PTCD3: variants seen among roughly 807,000 people sequenced by gnomAD.
PTCD3 encodes the protein pentatricopeptide repeat domain 3, also known as small ribosomal subunit protein mS39.
In PTCD3, 89 loss-of-function variants were observed where a neutral mutation model predicts 101.9. The observed-to-expected ratio is 0.87, with a 90% CI of 0.74 to 1.04. The LOEUF is 1.04. Among genes scored for constraint, PTCD3 ranks in the 50% least tolerant of loss-of-function variants. PTCD3 has a pLI of 0.00. For missense variants in PTCD3, 870 were observed against 828.2 expected, an observed-to-expected ratio of 1.05 and a Z score of -0.62; for synonymous variants, 296 against 278.5, an observed-to-expected ratio of 1.06 and a Z score of -0.63.
At chr2:86,132,948 A>G (rs1674519096) in intron 17 of PTCD3, 4 of 563,682 alleles carry the variant, frequency 7.1e-6, no homozygotes, top group Non-Finnish European at 1.2e-5. Flanking sequence ...ACCATGACCT[A>G]AGAGTATACA....
chr2:86,118,106 T>A (rs886727341), intron 6 of PTCD3, among the ~76,000 whole-genome samples: 1 of 152,220 alleles, frequency 6.6e-6, no homozygotes, highest in African/African-American at 2.4e-5. Flanking sequence ...GGTATCTTTC[T>A]TAGATTTTTA....
intron 12 of PTCD3, among the ~76,000 whole-genome samples, chr2:86,126,229 CAAAAAA>C (rs71377064): frequency 1.4e-4 from 8 of 59,138 alleles, no homozygotes; most frequent in African/African-American, 4.7e-4. Context: ...GACTCCGTCT[CAAAAAA>C]AAAAAAAAGA....
rs764621355 is a variant in PTCD3 at position 86,106,285 on chromosome 2, G to T, written c.38G>T (p.Arg13Leu). Reference protein sequence around the residue: ...VVSAVRWLGLRSRLGQPLTGR... With the variant: ...VVSAVRWLGLLSRLGQPLTGR... ...TCTGCTGTTCGCTGGCTGGGCCTCC[G>T]CAGCAGGCTTGGCCAGCCGCTGACG... Residue 13 changes from arginine to leucine, a missense_variant, in exon 1 of 24, where the codon CGC becomes CTC. Physicochemically the swap from Arg to Leu is moderately radical, Grantham distance 102. Coordinates refer to ENST00000254630, the MANE Select transcript of PTCD3 (RefSeq NM_017952.6). 1.2e-6 allele frequency: 2 copies of T among 1,613,668 alleles called. No homozygotes were observed.
chr2:86,129,185 T>A (rs1295235470), intron 14 of PTCD3, among the ~76,000 whole-genome samples: 5 of 152,224 alleles, frequency 3.3e-5, no homozygotes, highest in Non-Finnish European at 5.9e-5. Context: ...TTGGTGAGAT[T>A]GTGATGGAGC....
At chr2:86,107,368 G>C (rs1354530959) in intron 1 of PTCD3, among the ~76,000 whole-genome samples, 2 of 152,198 alleles carry the variant, frequency 1.3e-5, no homozygotes, top group Non-Finnish European at 2.9e-5. Flanking sequence ...ATCTCTTTCT[G>C]AAATGTCCTT....
At position 86,132,398 on chromosome 2, in the gene PTCD3, A is replaced by C; in HGVS notation, c.1347A>C (p.Gly449=). Residue 449 remains glycine (G), a synonymous_variant, in exon 17 of 24, where the codon GGA becomes GGC. Transcript: ENST00000254630. The stretch of plus-strand genomic sequence containing the variant: ...CCGGAGACAACTGGAAATTCATTGG[A>C]CCTGATCAACATCGTAATTTCTATT... ...LKTGDNWKFI[G]PDQHRNFYYS... 1.9e-6 allele frequency: 3 copies of C among 1,599,928 alleles called. No homozygotes were observed. Among genetic ancestry groups the C allele is most frequent in the Non-Finnish European group, 1.7e-6 (2 of 1,167,512 alleles).
At position 86,107,180 on chromosome 2, in the gene PTCD3, A is replaced by G. The variant is rs1208865026; in HGVS notation, c.104+829A>G. 3.6e-5 allele frequency: 17 copies of G among 471,086 alleles called. No homozygotes were observed. In the Middle Eastern group the frequency reaches 9.7e-4, roughly 27 times the overall value. The allele number at this position is 471,086 out of a possible 1,614,324, so 29.2% of individuals were successfully genotyped here. ...GCAGAAACCTTTGTGCTGCCATTCAATGCCAGTCCTCCGTTTCCTGGTAGC... is the reference window on the plus strand; with the variant it reads ...GCAGAAACCTTTGTGCTGCCATTCAGTGCCAGTCCTCCGTTTCCTGGTAGC... On this transcript the variant is annotated intron_variant, in intron 1 of 23. Transcript: ENST00000254630.
intron 21 of PTCD3, chr2:86,135,887 C>T (rs781035011): frequency 1.9e-5 from 10 of 517,716 alleles, no homozygotes; most frequent in Admixed American, 7.8e-5. Flanking sequence ...TGATGATTGG[C>T]GCAGGGGTAC....
chr2:86,111,001 C>T (rs1226640735), intron 3 of PTCD3, 112 bp from the exon 4 acceptor site: 3 of 972,286 alleles, frequency 3.1e-6, no homozygotes, highest in Non-Finnish European at 5.0e-6. Context: ...TAACCAGCTT[C>T]AGATGAGATC....
chr2:86,130,024 G>A (rs755134415), intron 14 of PTCD3, among the ~76,000 whole-genome samples: 28 of 152,286 alleles, frequency 1.8e-4, no homozygotes, highest in Middle Eastern at 3.4e-3. Flanking sequence ...ATTTTTAGCC[G>A]GGTGCAGTGG....
At position 86,121,602 on chromosome 2, in the gene PTCD3, C is replaced by G. The variant is rs1674283468; in HGVS notation, c.654+8C>G. On this transcript the variant is annotated splice_region_variant and intron_variant, in intron 8 of 23. Coordinates refer to ENST00000254630, the MANE Select transcript of PTCD3 (RefSeq NM_017952.6). ...GGACAGTCAGAAGCATTGGTAATAA[C>G]TGTTGGCCTTGATTTTTTTTTTTCC... 2 of 1,541,902 alleles carry G rather than the reference C, an allele frequency of 1.3e-6. No individual in the cohort carries two copies. The highest frequency in any genetic ancestry group is 8.8e-7 in the Non-Finnish European group (1 of 1,139,710).
At chr2:86,125,914 GGCTTAAAT>G in intron 12 of PTCD3, 34 bp downstream of exon 12, 1 of 1,423,920 alleles carries the variant, frequency 7.0e-7, no homozygotes, top group Non-Finnish European at 9.9e-7. Context: ...TTTTTAATAG[GGCTTAAAT>G]ACTCTTTACC....
In PTCD3 at chr2:86,137,645, G is replaced by C. The variant is rs1674613165; in HGVS notation, c.*86G>C. 1 of 1,564,040 alleles carries C rather than the reference G, an allele frequency of 6.4e-7. No individual in the cohort carries two copies. The highest frequency in any genetic ancestry group is 8.7e-7 in the Non-Finnish European group (1 of 1,153,668). ...CTGAGATATACCAATATTTAACATT[G>C]TTACAAAGAAGAAAAGATACAGATT... On this transcript the variant is annotated 3_prime_UTR_variant, in exon 24 of 24. Transcript: ENST00000254630.
chr2:86,127,024 T>TTAA, intron 12 of PTCD3, 137 bp from the exon 13 acceptor site: 2 of 708,848 alleles, frequency 2.8e-6, no homozygotes, highest in Non-Finnish European at 4.5e-6. Context: ...TAATAAACAG[T>TTAA]TCTTAAAAGA....
At position 86,134,842 on chromosome 2, in the gene PTCD3, C is replaced by T; in HGVS notation, c.1633C>T (p.Gln545Ter). 6.2e-7 allele frequency: 1 copy of T among 1,614,020 alleles called. No individual in the cohort carries two copies. The change falls in exon 21 of 24, where the codon CAG becomes TAG. Residue 545 changes from glutamine to a stop codon, truncating the protein, a stop_gained. Transcript: ENST00000254630. LOFTEE classifies it high-confidence loss of function. ...TGCTGACTCCTAAGCTTCTCAGCTT[C>T]AGGTGGCATTTGCTGACTGTGCTGC... The part of the protein sequence containing the change: ...MARDKHPPEL[Q>*]VAFADCAADI...
intron 14 of PTCD3, 121 bp downstream of exon 14, chr2:86,128,112 A>G (rs1674428738): frequency 1.1e-6 from 1 of 894,490 alleles, no homozygotes; most frequent in Non-Finnish European, 1.8e-6. Flanking sequence ...GAATTTGTAA[A>G]TTAACCTGTA....
intron 19 of PTCD3, among the ~76,000 whole-genome samples, 164 bp from the exon 20 acceptor site, chr2:86,134,128 C>T (rs1674538444): frequency 6.6e-6 from 1 of 152,218 alleles, no homozygotes; most frequent in African/African-American, 2.4e-5. Context: ...TTGGCTTTTA[C>T]ATTTGTTCCA....
chr2:86,113,087 G>A lies in PTCD3; in HGVS notation c.240+1929G>A, dbSNP rs77457038. On this transcript the variant is annotated intron_variant, in intron 4 of 23. Transcript: ENST00000254630. The stretch of plus-strand genomic sequence containing the variant: ...ACTTCTGTTTCCTGACTTATAAATT[G>A]GGGGTTAATTATAGCACCAAACCTC... Among the ~76,000 whole-genome samples the A allele has an allele frequency of 6.8e-3, 1,035 of 152,108 alleles. 14 individuals are homozygous for A. Among genetic ancestry groups the A allele is most frequent in the African/African-American group, 0.023 (961 of 41,528 alleles).
chr2:86,121,602 C>T lies in PTCD3; in HGVS notation c.654+8C>T. The T allele has an allele frequency of 6.5e-7, 1 of 1,541,900 alleles. No individual in the cohort carries two copies. The highest frequency in any genetic ancestry group is 1.4e-5 in the African/African-American group (1 of 71,494). ...GGACAGTCAGAAGCATTGGTAATAA[C>T]TGTTGGCCTTGATTTTTTTTTTTCC... On this transcript the variant is annotated splice_region_variant and intron_variant, in intron 8 of 23. Transcript: ENST00000254630.
Sources: allele counts gnomAD v4.1 joint callset (sites outside exome capture counted in the v4.1 genomes callset), GRCh38; gene constraint gnomAD v4.1.1; transcripts MANE v1.5; gene names NCBI Gene and HGNC (gene_info 2026-07-23, HGNC 2026-07-21).